The following SLC39A11 variants were observed in gnomAD, a reference collection of about 807,000 sequenced individuals.
SLC39A11 encodes solute carrier family 39 member 11.
SLC39A11 carries 33 observed loss-of-function variants against 36.1 expected under a neutral mutation model. The observed-to-expected ratio is 0.91, with a 90% CI of 0.69 to 1.22. The LOEUF (loss-of-function observed/expected upper bound fraction) is 1.22, where lower values mean the gene tolerates loss of function less well. SLC39A11 is among the 50% of genes most tolerant of loss of function. The pLI is 0.00. For missense variants in SLC39A11, 432 were observed against 430.3 expected (o/e 1.00, Z -0.03); for synonymous variants, 166 against 170.3 (o/e 0.97, Z 0.20).
chr17:72,816,308 T>C (rs1218707444), intron 6 of SLC39A11, among the ~76,000 whole-genome samples: 4 of 152,184 alleles, frequency 2.6e-5, no homozygotes, highest in African/African-American at 2.4e-5. Context: ...TGATCATTGG[T>C]GAATCAGAGA....
chr17:72,804,375 C>G (rs1268727863), intron 6 of SLC39A11, among the ~76,000 whole-genome samples: 1 of 152,154 alleles, frequency 6.6e-6, no homozygotes, highest in Non-Finnish European at 1.5e-5. Context: ...GGATAGAAAC[C>G]CTTGCTGGGA....
At chr17:72,997,856 T>A (rs1225885136) in intron 4 of SLC39A11, among the ~76,000 whole-genome samples, 1 of 152,198 alleles carries the variant, frequency 6.6e-6, no homozygotes, top group Non-Finnish European at 1.5e-5. Flanking sequence ...ACTCATAATT[T>A]ACTCAGTAAC....
intron 5 of SLC39A11, among the ~76,000 whole-genome samples, chr17:72,896,814 G>T (rs891745106): frequency 6.6e-6 from 1 of 151,890 alleles, no homozygotes. Context: ...ATTTGGGGAG[G>T]CCGAGTCAGG....
rs552666632 is a variant in SLC39A11, at chr17:73,016,273, A to G, written c.306+15283T>C. On this transcript the variant is annotated intron_variant, in intron 4 of 9. Transcript: ENST00000255559. ...TCCTAGACACCTGATAAAAGTAAAG[A>G]TTCCTGGGTTCCACTCCAGTTCTCC... 5.9e-5 allele frequency among the ~76,000 whole-genome samples: 9 copies of G among 152,204 alleles called. No individual in the cohort carries two copies. In the East Asian group the frequency reaches 1.7e-3, roughly 29 times the overall value.
intron 3 of SLC39A11, among the ~76,000 whole-genome samples, chr17:73,034,901 A>G (rs367571832): frequency 6.6e-5 from 10 of 152,300 alleles, no homozygotes; most frequent in African/African-American, 2.4e-4. Flanking sequence ...GGAATTTGGG[A>G]TGCTTGCAAT....
chr17:72,794,383 C>T (rs1293379641), intron 6 of SLC39A11, among the ~76,000 whole-genome samples: 6 of 152,118 alleles, frequency 3.9e-5, no homozygotes. Flanking sequence ...CTCCACAATC[C>T]TTCTGTTGGG....
At chr17:72,857,070 TTTTG>T (rs1392325330) in intron 5 of SLC39A11, among the ~76,000 whole-genome samples, 2 of 152,206 alleles carry the variant, frequency 1.3e-5, no homozygotes, top group Non-Finnish European at 1.5e-5. Flanking sequence ...GTACAAATTA[TTTTG>T]TCACCTAGGT....
At chr17:72,840,157 A>C (rs2078739983) in intron 6 of SLC39A11, among the ~76,000 whole-genome samples, 1 of 152,182 alleles carries the variant, frequency 6.6e-6, no homozygotes, top group Non-Finnish European at 1.5e-5. Flanking sequence ...TTAAAATCCC[A>C]AGCATTTCTT....
intron 4 of SLC39A11, among the ~76,000 whole-genome samples, chr17:72,979,338 TA>T (rs2088116366): frequency 7.2e-6 from 1 of 138,496 alleles, no homozygotes; most frequent in Admixed American, 7.4e-5. Flanking sequence ...GGCAGTTCTT[TA>T]TAATGGTCTG....
chr17:72,910,969 T>C (rs932586194), intron 5 of SLC39A11, among the ~76,000 whole-genome samples: 1 of 147,702 alleles, frequency 6.8e-6, no homozygotes, highest in Non-Finnish European at 1.5e-5. Flanking sequence ...TGCATCAGAA[T>C]AATACCAACC....
intron 5 of SLC39A11, among the ~76,000 whole-genome samples, chr17:72,893,764 A>T (rs896607788): frequency 2.0e-5 from 3 of 152,200 alleles, no homozygotes; most frequent in African/African-American, 7.2e-5. Flanking sequence ...CACTATTCTA[A>T]TAGGGTCCTA....
At chr17:73,077,038 T>C (rs892218972) in intron 3 of SLC39A11, among the ~76,000 whole-genome samples, 2 of 151,984 alleles carry the variant, frequency 1.3e-5, no homozygotes, top group African/African-American at 2.4e-5. Flanking sequence ...GAGGGCAACA[T>C]TGCCCTCGGT....
At chr17:72,996,889 T>C (rs1161607627) in intron 4 of SLC39A11, among the ~76,000 whole-genome samples, 1 of 152,134 alleles carries the variant, frequency 6.6e-6, no homozygotes, top group Non-Finnish European at 1.5e-5. Context: ...GCCTAGGCCT[T>C]AGGGAGCCTT....
chr17:72,772,375 G>A (rs1405689377), intron 6 of SLC39A11, among the ~76,000 whole-genome samples: 2 of 152,104 alleles, frequency 1.3e-5, no homozygotes, highest in East Asian at 1.9e-4. Context: ...TATTTATCTC[G>A]ATGTTTTATA....
chr17:73,028,434 T>G (rs891335296), intron 4 of SLC39A11, among the ~76,000 whole-genome samples: 2 of 152,166 alleles, frequency 1.3e-5, no homozygotes, highest in Non-Finnish European at 2.9e-5. Context: ...TTGGCCAGCC[T>G]CAGAGTGAAG....
At chr17:72,740,141 C>T (rs866890136) in intron 6 of SLC39A11, among the ~76,000 whole-genome samples, 8 of 141,668 alleles carry the variant, frequency 5.6e-5, no homozygotes, top group African/African-American at 2.1e-4. Context: ...CGGCTCACTG[C>T]AAGCTCCACC....
chr17:72,775,921 A>G (rs1407092990), intron 6 of SLC39A11, among the ~76,000 whole-genome samples: 1 of 151,740 alleles, frequency 6.6e-6, no homozygotes, highest in Non-Finnish European at 1.5e-5. Context: ...CTCACACAGA[A>G]CTCCTCCACT....
intron 6 of SLC39A11, among the ~76,000 whole-genome samples, chr17:72,743,793 C>G (rs1349489649): frequency 6.6e-6 from 1 of 152,196 alleles, no homozygotes; most frequent in Admixed American, 6.5e-5. Context: ...GCTCATGCCC[C>G]CAGTGTCCCA....
Position 72,804,814 on chromosome 17 carries a change from G to A in SLC39A11, c.601+44820C>T, listed in dbSNP as rs1001283912. Among the ~76,000 whole-genome samples, 3 of 152,258 alleles carry A rather than the reference G, an allele frequency of 2.0e-5. No homozygotes were observed. The South Asian group carries it at 6.2e-4, about 32-fold the overall frequency. On this transcript the variant is annotated intron_variant, in intron 6 of 9. Transcript: ENST00000255559. Reference sequence around the variant, plus strand: ...GAGGCAGCGGATCACGAGGTCAGGGGATCAAGACCATCCTGGCCAACATGG... The same window carrying A: ...GAGGCAGCGGATCACGAGGTCAGGGAATCAAGACCATCCTGGCCAACATGG...
Sources: gnomAD v4.1 joint callset for allele counts (sites outside exome capture counted in the v4.1 genomes callset) on GRCh38, gnomAD v4.1.1 for gene constraint, MANE v1.5 for transcripts, NCBI Gene and HGNC (gene_info 2026-07-23, HGNC 2026-07-21) for gene names.